Variants in COL26A1 observed in about 807,000 individuals in gnomAD.
COL26A1 encodes the protein collagen alpha-1(XXVI) chain.
In COL26A1, 41 loss-of-function variants were observed where a neutral mutation model predicts 59.3. The ratio of observed to expected loss-of-function variants is 0.69; its 90% CI spans 0.54 to 0.90. The LOEUF (loss-of-function observed/expected upper bound fraction) is 0.90. Ranked by LOEUF, COL26A1 falls within the 40% of genes least tolerant of loss-of-function variation. The probability of loss-of-function intolerance (pLI) is 0.00; values close to 1 mark genes in which losing one functional copy is unlikely to be tolerated. For missense variants in COL26A1, 612 were observed against 602.3 expected, an observed-to-expected ratio of 1.02 and a Z score of -0.17; for synonymous variants, 266 against 256.0, an observed-to-expected ratio of 1.04 and a Z score of -0.37.
chr7:101,384,166 A>AC (rs1467669395), intron 1 of COL26A1, among the ~76,000 whole-genome samples: 1 of 148,554 alleles, frequency 6.7e-6, no homozygotes, highest in Non-Finnish European at 1.5e-5. Flanking sequence ...GGCGTGCGCC[A>AC]CCATGCTTGA....
intron 3 of COL26A1, among the ~76,000 whole-genome samples, chr7:101,465,287 G>A (rs1793730096): frequency 6.6e-6 from 1 of 152,012 alleles, no homozygotes; most frequent in Non-Finnish European, 1.5e-5. Flanking sequence ...CGATCCTCCT[G>A]CCTCAGCTTC....
chr7:101,535,350 A>G (rs761221119), intron 4 of COL26A1, among the ~76,000 whole-genome samples: 17 of 152,196 alleles, frequency 1.1e-4, no homozygotes, highest in Admixed American at 6.5e-5. Context: ...AGCCTGATGG[A>G]CATTTTCCTA....
chr7:101,475,709 A>G lies in COL26A1; in HGVS notation c.385+27922A>G, dbSNP rs576996165. 2.6e-5 allele frequency among the ~76,000 whole-genome samples: 4 copies of G among 151,832 alleles called. No homozygotes were observed. The South Asian group carries it at 6.2e-4, about 24-fold the overall frequency. The stretch of plus-strand genomic sequence containing the variant: ...TGTGTATTGGATGTGCGTGGCGATG[A>G]TGCATGATTCTGTGGTGATTCCTTC... On this transcript the variant is annotated intron_variant, in intron 3 of 12. Coordinates refer to ENST00000313669, the MANE Select transcript of COL26A1 (RefSeq NM_001278563.3).
intron 1 of COL26A1, among the ~76,000 whole-genome samples, chr7:101,416,008 T>C (rs1792363417): frequency 6.9e-6 from 1 of 144,210 alleles, no homozygotes; most frequent in African/African-American, 2.5e-5. Flanking sequence ...GTCAGGATTT[T>C]TGAAATTTTT....
At chr7:101,365,777 C>T (rs978999486) in intron 1 of COL26A1, among the ~76,000 whole-genome samples, 2 of 150,280 alleles carry the variant, frequency 1.3e-5, no homozygotes, top group Admixed American at 6.7e-5. Context: ...TTGCAAGGAG[C>T]GTATATTCAT....
chr7:101,435,354 G>T (rs553355291), intron 2 of COL26A1, among the ~76,000 whole-genome samples: 9 of 152,132 alleles, frequency 5.9e-5, no homozygotes, highest in African/African-American at 1.9e-4. Flanking sequence ...CCATGTAGTC[G>T]CCCCTGGAGG....
At chr7:101,404,118 C>T (rs1359529674) in intron 1 of COL26A1, among the ~76,000 whole-genome samples, 1 of 152,046 alleles carries the variant, frequency 6.6e-6, no homozygotes, top group Non-Finnish European at 1.5e-5. Context: ...TTTCTGGACA[C>T]AGTTGTGTGA....
At position 101,450,870 on chromosome 7, in the gene COL26A1, T is replaced by C. The variant is rs541330734; in HGVS notation, c.385+3083T>C. Among the ~76,000 whole-genome samples the C allele has an allele frequency of 1.2e-4, 17 of 142,520 alleles. 1 individual carries two copies. In the South Asian group the frequency reaches 3.7e-3, roughly 31 times the overall value. 93.5% of individuals were successfully genotyped at this position (142,520 alleles called of 152,430 possible). ...TATGAATATGGAATGTAGAATGATA[T>C]ACAATTCTATATGGATATTGAATGC... On this transcript the variant is annotated intron_variant, in intron 3 of 12. Transcript: ENST00000313669.
At chr7:101,523,071 CTTT>C (rs543281151) in intron 3 of COL26A1, among the ~76,000 whole-genome samples, 6 of 140,388 alleles carry the variant, frequency 4.3e-5, no homozygotes, top group Admixed American at 7.2e-5. Flanking sequence ...AAAAGAAATT[CTTT>C]TTTTTTTTTT....
At chr7:101,402,874 C>G (rs1192889326) in intron 1 of COL26A1, among the ~76,000 whole-genome samples, 1 of 150,196 alleles carries the variant, frequency 6.7e-6, no homozygotes, top group Non-Finnish European at 1.5e-5. Context: ...TTGACAGGGT[C>G]TTGCTCTTTT....
intron 3 of COL26A1, among the ~76,000 whole-genome samples, chr7:101,460,505 A>G (rs62464272): frequency 0.27 from 41,096 of 152,010 alleles, 5,975 homozygotes; most frequent in Middle Eastern, 0.34. Flanking sequence ...GCCTCAGGCC[A>G]GGCGCGGTGG....
intron 3 of COL26A1, among the ~76,000 whole-genome samples, chr7:101,485,508 G>T (rs1794249020): frequency 6.6e-6 from 1 of 152,158 alleles, no homozygotes. Flanking sequence ...GACCAGAAAG[G>T]GTGTGATCCT....
intron 3 of COL26A1, among the ~76,000 whole-genome samples, chr7:101,465,001 C>T (rs541124833): frequency 4.0e-5 from 6 of 151,822 alleles, no homozygotes; most frequent in East Asian, 1.9e-4. Flanking sequence ...TGTAAGTCAC[C>T]ACCCTTGGCT....
intron 3 of COL26A1, among the ~76,000 whole-genome samples, chr7:101,465,044 T>C (rs1419171983): frequency 6.6e-6 from 1 of 150,428 alleles, no homozygotes; most frequent in Admixed American, 6.6e-5. Flanking sequence ...CTTTTTTTTT[T>C]TTTTTTTTGT....
chr7:101,453,583 G>A (rs992367194), intron 3 of COL26A1, among the ~76,000 whole-genome samples: 1 of 152,128 alleles, frequency 6.6e-6, no homozygotes, highest in Non-Finnish European at 1.5e-5. Context: ...CCTTGCTCAG[G>A]ATGCGTGTCC....
chr7:101,491,032 C>T (rs550810985), intron 3 of COL26A1, among the ~76,000 whole-genome samples: 25 of 151,214 alleles, frequency 1.7e-4, no homozygotes, highest in African/African-American at 5.8e-4. Context: ...TGCCTGTATT[C>T]CCAGCTACTC....
intron 3 of COL26A1, among the ~76,000 whole-genome samples, chr7:101,491,487 G>A (rs1291470959): frequency 1.3e-5 from 2 of 152,212 alleles, no homozygotes; most frequent in African/African-American, 4.8e-5. Flanking sequence ...GCAAAAGCAA[G>A]TTTATGAAGA....
rs760943824 is a variant in COL26A1, at chr7:101,419,965, C to T, written c.159-12C>T. 1.2e-6 allele frequency: 2 copies of T among 1,613,056 alleles called. No individual in the cohort carries two copies. The highest frequency in any genetic ancestry group is 4.5e-5 in the East Asian group (2 of 44,858). On this transcript the variant is annotated splice_polypyrimidine_tract_variant and intron_variant, in intron 1 of 12. Coordinates refer to ENST00000313669, the MANE Select transcript of COL26A1 (RefSeq NM_001278563.3). The stretch of plus-strand genomic sequence containing the variant: ...ACAGGCAGGGCTCATGTGACTGTTG[C>T]TCTCTCCACAGGCACTGGTGCCATC...
chr7:101,474,930 C>T lies in COL26A1; in HGVS notation c.385+27143C>T, dbSNP rs184131898. Among the ~76,000 whole-genome samples, 28 of 152,132 alleles carry T rather than the reference C, an allele frequency of 1.8e-4. No individual in the cohort carries two copies. In the East Asian group the frequency reaches 4.7e-3, roughly 25 times the overall value. On this transcript the variant is annotated intron_variant, in intron 3 of 12. Coordinates refer to ENST00000313669, the MANE Select transcript of COL26A1 (RefSeq NM_001278563.3). The stretch of plus-strand genomic sequence containing the variant: ...ATCTCAGGCCAGGCGCAGTGGCTCA[C>T]GCCTGTAATCCCAGCACTCTGGGAG...
Sources: gnomAD v4.1 joint callset for allele counts (sites outside exome capture counted in the v4.1 genomes callset) on GRCh38, gnomAD v4.1.1 for gene constraint, MANE v1.5 for transcripts, NCBI Gene and HGNC (gene_info 2026-07-23, HGNC 2026-07-21) for gene names.